RAPGEF4: variants seen among roughly 807,000 people sequenced by gnomAD.
RAPGEF4 encodes the protein RAP guanine-nucleotide-exchange factor (GEF) 4.
Under a neutral mutation model 147.9 loss-of-function variants are expected in RAPGEF4, and 66 were observed. The ratio of observed to expected loss-of-function variants is 0.45; its 90% CI spans 0.37 to 0.55. The LOEUF (loss-of-function observed/expected upper bound fraction) is 0.55. Ranked by LOEUF, RAPGEF4 falls within the 20% of genes least tolerant of loss-of-function variation. The pLI is 0.00. For synonymous variants in RAPGEF4, 419 were observed against 442.7 expected, an observed-to-expected ratio of 0.95 and a Z score of 0.67; for missense variants, 1,071 against 1,257.3, an observed-to-expected ratio of 0.85 and a Z score of 2.24.
At chr2:172,799,668 G>A (rs892822872) in intron 3 of RAPGEF4, among the ~76,000 whole-genome samples, 3 of 152,170 alleles carry the variant, frequency 2.0e-5, no homozygotes, top group Non-Finnish European at 4.4e-5. Flanking sequence ...TCCTGAATGA[G>A]TGATAATGGA....
intron 17 of RAPGEF4, among the ~76,000 whole-genome samples, chr2:173,003,163 G>A (rs893033878): frequency 3.3e-5 from 5 of 151,634 alleles, no homozygotes; most frequent in African/African-American, 1.2e-4. Flanking sequence ...ACTTCTTCGT[G>A]TATTAGCTTG....
intron 10 of RAPGEF4, among the ~76,000 whole-genome samples, chr2:172,972,946 C>T (rs533260039): frequency 6.6e-6 from 1 of 152,124 alleles, no homozygotes; most frequent in East Asian, 1.9e-4. Flanking sequence ...TTTTTAATTC[C>T]TAACTTTTTA....
At chr2:172,859,268 A>G (rs1693762202) in intron 4 of RAPGEF4, among the ~76,000 whole-genome samples, 1 of 152,232 alleles carries the variant, frequency 6.6e-6, no homozygotes, top group Non-Finnish European at 1.5e-5. Context: ...ACCTAATATT[A>G]CTTCAGTAAT....
chr2:172,882,111 A>C (rs1484903130), intron 4 of RAPGEF4, among the ~76,000 whole-genome samples: 1 of 152,202 alleles, frequency 6.6e-6, no homozygotes, highest in African/African-American at 2.4e-5. Context: ...TTCTAAACTT[A>C]TATTAACTTT....
chr2:172,805,096 T>C (rs1461070597), intron 3 of RAPGEF4, among the ~76,000 whole-genome samples: 1 of 152,180 alleles, frequency 6.6e-6, no homozygotes, highest in Non-Finnish European at 1.5e-5. Context: ...TGCTTTCCCC[T>C]CTCACAGTCA....
At chr2:172,989,614 C>T (rs1206601272) in intron 14 of RAPGEF4, among the ~76,000 whole-genome samples, 1 of 152,170 alleles carries the variant, frequency 6.6e-6, no homozygotes, top group African/African-American at 2.4e-5. Context: ...GGAGGGATGA[C>T]TCTGCTTTGG....
At chr2:172,756,718 A>G (rs1695814993) in intron 1 of RAPGEF4, among the ~76,000 whole-genome samples, 1 of 152,224 alleles carries the variant, frequency 6.6e-6, no homozygotes, top group Non-Finnish European at 1.5e-5. Context: ...AGGACCTTGC[A>G]GTCCCAAATT....
intron 25 of RAPGEF4, 97 bp downstream of exon 25, chr2:173,027,356 G>A (rs1696763514): frequency 2.9e-6 from 3 of 1,038,564 alleles, no homozygotes; most frequent in Non-Finnish European, 4.0e-6. Context: ...GCAGGATCTA[G>A]GAACTGCTAG....
chr2:173,008,834 A>G (rs993872033), intron 17 of RAPGEF4, among the ~76,000 whole-genome samples: 2 of 152,254 alleles, frequency 1.3e-5, no homozygotes, highest in African/African-American at 4.8e-5. Context: ...GTAAGATAAT[A>G]ACTAGGTAAA....
intron 4 of RAPGEF4, among the ~76,000 whole-genome samples, chr2:172,907,580 G>A (rs1046276450): frequency 4.6e-5 from 7 of 152,150 alleles, no homozygotes; most frequent in Admixed American, 3.9e-4. Flanking sequence ...AAAAACAGGT[G>A]GTACATTATA....
At chr2:172,835,321 G>C (rs1332450136) in intron 4 of RAPGEF4, among the ~76,000 whole-genome samples, 1 of 152,192 alleles carries the variant, frequency 6.6e-6, no homozygotes, top group African/African-American at 2.4e-5. Flanking sequence ...GTGGCTATTG[G>C]ATTACTGGTG....
chr2:172,763,446 G>A (rs1215524453), intron 1 of RAPGEF4, among the ~76,000 whole-genome samples: 1 of 152,178 alleles, frequency 6.6e-6, no homozygotes, highest in Admixed American at 6.5e-5. Context: ...TATGTGCTAT[G>A]AGAAATCAGA....
intron 3 of RAPGEF4, among the ~76,000 whole-genome samples, chr2:172,807,140 C>G (rs1056982431): frequency 1.3e-5 from 2 of 152,226 alleles, no homozygotes; most frequent in African/African-American, 4.8e-5. Flanking sequence ...ATGCTCAGGT[C>G]AGGCTATTTG....
intron 10 of RAPGEF4, among the ~76,000 whole-genome samples, chr2:172,973,431 G>T (rs913225418): frequency 6.6e-6 from 1 of 152,062 alleles, no homozygotes; most frequent in Non-Finnish European, 1.5e-5. Flanking sequence ...CTTAAGAGCA[G>T]CAAAAAAATA....
intron 6 of RAPGEF4, among the ~76,000 whole-genome samples, chr2:172,929,802 G>C (rs1244715614): frequency 1.3e-5 from 2 of 152,168 alleles, no homozygotes; most frequent in Non-Finnish European, 2.9e-5. Context: ...CATGTCATCA[G>C]GGTAGTGTGG....
At chr2:173,009,360 G>T (rs1368029280) in intron 17 of RAPGEF4, among the ~76,000 whole-genome samples, 1 of 152,112 alleles carries the variant, frequency 6.6e-6, no homozygotes, top group South Asian at 2.1e-4. Flanking sequence ...AAAAAATATT[G>T]AAGGCTTTTG....
intron 17 of RAPGEF4, among the ~76,000 whole-genome samples, chr2:173,011,170 G>GCGCGCGCGCGCACACACACACACA (rs564434178): frequency 3.7e-5 from 5 of 133,498 alleles, no homozygotes; most frequent in African/African-American, 1.4e-4. Flanking sequence ...GCGCGCGCGC[G>GCGCGCGCGCGCACACACACACACA]CACACACACA....
intron 1 of RAPGEF4, among the ~76,000 whole-genome samples, chr2:172,750,871 A>G (rs1695222894): frequency 2.0e-5 from 3 of 152,264 alleles, no homozygotes; most frequent in African/African-American, 7.2e-5. Flanking sequence ...TAGGTTCCTT[A>G]TGTATTTTGA....
chr2:172,971,656 G>A (rs1343920676), intron 10 of RAPGEF4, among the ~76,000 whole-genome samples: 1 of 152,072 alleles, frequency 6.6e-6, no homozygotes, highest in Non-Finnish European at 1.5e-5. Flanking sequence ...GACTCTTTCT[G>A]CTGGAATAAG....
Sources: gnomAD v4.1 joint callset for allele counts (sites outside exome capture counted in the v4.1 genomes callset) on GRCh38, gnomAD v4.1.1 for gene constraint, MANE v1.5 for transcripts, NCBI Gene and HGNC (gene_info 2026-07-23, HGNC 2026-07-21) for gene names.